HHLA1: variants seen among roughly 807,000 people sequenced by gnomAD.
The protein encoded by HHLA1 is HHLA1 neighbor of OC90.
Under a neutral mutation model 69.9 loss-of-function variants are expected in HHLA1, and 72 were observed. The ratio of observed to expected loss-of-function variants is 1.03; its 90% CI spans 0.85 to 1.25. HHLA1 has a LOEUF of 1.25. HHLA1 is among the 50% of genes most tolerant of loss of function. The pLI is 0.00. For synonymous variants in HHLA1, 252 were observed against 233.2 expected (o/e 1.08, Z -0.73); for missense variants, 685 against 642.2 (o/e 1.07, Z -0.72).
chr8:132,091,651 A>G (rs13258119), intron 7 of HHLA1, among the ~76,000 whole-genome samples: 4,223 of 152,348 alleles, frequency 0.028, 93 homozygotes, highest in South Asian at 0.063. Context: ...TGAATGATTC[A>G]TGACTACCTT....
intron 7 of HHLA1, among the ~76,000 whole-genome samples, 191 bp from the exon 8 acceptor site, chr8:132,089,790 A>G (rs942378897): frequency 1.3e-5 from 2 of 152,176 alleles, no homozygotes; most frequent in Admixed American, 6.5e-5. Context: ...GGCCGGAAGG[A>G]AACTTTGGAT....
intron 3 of HHLA1, among the ~76,000 whole-genome samples, chr8:132,103,503 T>C (rs1420958244): frequency 6.6e-6 from 1 of 152,018 alleles, no homozygotes; most frequent in Non-Finnish European, 1.5e-5. Context: ...CCTGTGGTCC[T>C]AGCTATCGGG....
At chr8:132,087,261 G>A (rs1823878770) in intron 10 of HHLA1, among the ~76,000 whole-genome samples, 1 of 152,172 alleles carries the variant, frequency 6.6e-6, no homozygotes, top group African/African-American at 2.4e-5. Context: ...GGTAGGGACT[G>A]GGTATTACAG....
At chr8:132,101,100 A>C in intron 3 of HHLA1, 1 of 1,403,074 alleles carries the variant, frequency 7.1e-7, no homozygotes, top group Non-Finnish European at 9.4e-7. Flanking sequence ...CCATTGCAAC[A>C]ATAGGTACCA....
intron 3 of HHLA1, among the ~76,000 whole-genome samples, chr8:132,102,240 C>A (rs1180340142): frequency 6.6e-6 from 1 of 152,214 alleles, no homozygotes; most frequent in Non-Finnish European, 1.5e-5. Context: ...TCCTGTTTAT[C>A]CGTCAATGGA....
chr8:132,076,037 C>T lies in HHLA1; in HGVS notation c.1315+18G>A. The T allele has an allele frequency of 6.5e-7, 1 of 1,533,490 alleles. No individual in the cohort carries two copies. The highest frequency in any genetic ancestry group is 8.8e-7 in the Non-Finnish European group (1 of 1,130,656). The allele number at this position is 1,533,490 out of a possible 1,614,324, so 95.0% of individuals were successfully genotyped here. ...AAATAAACACAAGCAATAGTAATGA[C>T]TGGGCACTGGTACTTACTTGAAACT... On this transcript the variant is annotated intron_variant, in intron 14 of 16. Transcript: ENST00000414222.
intron 15 of HHLA1, among the ~76,000 whole-genome samples, chr8:132,067,155 T>A (rs778791144): frequency 2.0e-5 from 3 of 152,094 alleles, no homozygotes; most frequent in Non-Finnish European, 4.4e-5. Context: ...GAGCTGAAGC[T>A]GTTATGAGGA....
rs771388567 is a variant in HHLA1 at position 132,098,971 on chromosome 8, G to A, written c.200-9C>T. 1.3e-6 allele frequency: 2 copies of A among 1,534,074 alleles called. No homozygotes were observed. The highest frequency in any genetic ancestry group is 2.5e-5 in the South Asian group (2 of 81,526). On this transcript the variant is annotated splice_polypyrimidine_tract_variant and intron_variant, in intron 4 of 16. Transcript: ENST00000414222. ...TGACCTTGCGGGCAGCTCTGAAAGA[G>A]ATTCAGAGATAATGTCACTGGCAGG...
chr8:132,072,898 T>C (rs1263588119), intron 14 of HHLA1, among the ~76,000 whole-genome samples: 2 of 151,754 alleles, frequency 1.3e-5, no homozygotes, highest in East Asian at 1.9e-4. Context: ...AATTGATTTT[T>C]GTCCAGTAAA....
chr8:132,090,865 TCTC>T (rs1173053621), intron 7 of HHLA1, among the ~76,000 whole-genome samples: 1 of 151,478 alleles, frequency 6.6e-6, no homozygotes, highest in African/African-American at 2.4e-5. Flanking sequence ...TTCACGCCAT[TCTC>T]CTACCTCAGC....
At chr8:132,101,061 G>T in intron 3 of HHLA1, 1 of 1,141,148 alleles carries the variant, frequency 8.8e-7, no homozygotes, top group Admixed American at 3.6e-5. Flanking sequence ...TACAAAAAAA[G>T]CTAGTATCAC....
Position 132,065,625 on chromosome 8 carries a change from A to C in HHLA1, c.1552+261T>G, listed in dbSNP as rs151026161. Among the ~76,000 whole-genome samples the C allele has an allele frequency of 3.2e-3, 482 of 152,294 alleles. 1 individual carries two copies. The highest frequency in any genetic ancestry group is 3.2e-3 in the Non-Finnish European group (220 of 68,018). ...CTTACATAGGAGCTCTGTGGCTAAG[A>C]GATTTGCCTGAGTTCACGCAGAGAG... On this transcript the variant is annotated intron_variant, in intron 16 of 16. Coordinates refer to ENST00000414222, the MANE Select transcript of HHLA1 (RefSeq NM_001145095.3).
intron 10 of HHLA1, among the ~76,000 whole-genome samples, chr8:132,084,888 C>T (rs12680248): frequency 0.3 from 45,438 of 151,402 alleles, 7,189 homozygotes; most frequent in Admixed American, 0.39. Flanking sequence ...GGGTTCTTGC[C>T]GCCTAGGAAA....
At chr8:132,082,800 A>G (rs1287400312) in intron 10 of HHLA1, among the ~76,000 whole-genome samples, 1 of 152,200 alleles carries the variant, frequency 6.6e-6, no homozygotes, top group East Asian at 1.9e-4. Context: ...CAGGGTGGAC[A>G]GGCAAAACAA....
At chr8:132,087,079 G>A (rs1008408364) in intron 10 of HHLA1, among the ~76,000 whole-genome samples, 9 of 152,210 alleles carry the variant, frequency 5.9e-5, no homozygotes, top group African/African-American at 2.2e-4. Context: ...GACCGTAGAA[G>A]ACAAAGACTG....
At chr8:132,103,564 G>A (rs1385734376) in intron 3 of HHLA1, among the ~76,000 whole-genome samples, 3 of 152,268 alleles carry the variant, frequency 2.0e-5, no homozygotes, top group Admixed American at 6.5e-5. Flanking sequence ...GTTGCAGTGA[G>A]TTGAGATCGT....
At chr8:132,070,011 C>CGGGGGGAG in intron 15 of HHLA1, 1 of 23,434 alleles carries the variant, frequency 4.3e-5, no homozygotes, top group East Asian at 3.4e-4. Flanking sequence ...TTCGTACTGA[C>CGGGGGGAG]GGGGGGGGGG....
intron 1 of HHLA1, among the ~76,000 whole-genome samples, chr8:132,109,717 GTC>G (rs1466231764): frequency 6.6e-6 from 1 of 152,066 alleles, no homozygotes; most frequent in Non-Finnish European, 1.5e-5. Flanking sequence ...TTGAACCATG[GTC>G]TCTCAGATAC....
At chr8:132,067,795 G>A (rs563984690) in intron 15 of HHLA1, among the ~76,000 whole-genome samples, 76 of 152,270 alleles carry the variant, frequency 5.0e-4, no homozygotes, top group Non-Finnish European at 9.6e-4. Context: ...TGCAACATGT[G>A]GTCTAGAATG....
Sources: gnomAD v4.1 joint callset for allele counts (sites outside exome capture counted in the v4.1 genomes callset) on GRCh38, gnomAD v4.1.1 for gene constraint, MANE v1.5 for transcripts, NCBI Gene and HGNC (gene_info 2026-07-23, HGNC 2026-07-21) for gene names.